Variants in POU6F2 observed in about 807,000 individuals in gnomAD.
POU6F2 encodes POU domain, class 6, transcription factor 2.
A neutral mutation model predicts 71.3 loss-of-function variants in POU6F2; 31 were observed. That is an observed-to-expected ratio of 0.43 (90% CI 0.33 to 0.59). The LOEUF (loss-of-function observed/expected upper bound fraction) is 0.59. Ranked by LOEUF, POU6F2 falls within the 20% of genes least tolerant of loss-of-function variation. The pLI, the probability that POU6F2 is intolerant of heterozygous loss-of-function variation, is 0.04. For missense variants in POU6F2, 783 were observed against 856.8 expected, an observed-to-expected ratio of 0.91 and a Z score of 1.07; for synonymous variants, 347 against 355.7, an observed-to-expected ratio of 0.98 and a Z score of 0.27.
chr7:39,124,468 A>G (rs1792106444), intron 2 of POU6F2, among the ~76,000 whole-genome samples: 1 of 152,224 alleles, frequency 6.6e-6, no homozygotes, highest in Non-Finnish European at 1.5e-5. Context: ...AATAAGAATA[A>G]CTTCCCAGAC....
rs116944592 is a variant in POU6F2, at chr7:39,100,996, G to A, written c.277+14965G>A. On this transcript the variant is annotated intron_variant, in intron 2 of 9. Transcript: ENST00000518318. ...TGAGCCTGTCACCCAGCTCTGACCC[G>A]CCTTTCCACACCATTCATTTCCAAC... 4.2e-3 allele frequency among the ~76,000 whole-genome samples: 632 copies of A among 151,706 alleles called. 2 individuals are homozygous for A. The highest frequency in any genetic ancestry group is 6.3e-3 in the Non-Finnish European group (427 of 67,954).
At chr7:39,066,341 A>AG (rs1790752862) in intron 1 of POU6F2, among the ~76,000 whole-genome samples, 1 of 151,808 alleles carries the variant, frequency 6.6e-6, no homozygotes, top group Non-Finnish European at 1.5e-5. Flanking sequence ...AGAATGCCTT[A>AG]TATCACTATT....
chr7:39,277,425 C>A (rs1350358691), intron 4 of POU6F2, among the ~76,000 whole-genome samples: 1 of 152,000 alleles, frequency 6.6e-6, no homozygotes, highest in Non-Finnish European at 1.5e-5. Flanking sequence ...CTTTTGGAGT[C>A]CCCAGCATCT....
Position 39,466,981 on chromosome 7 carries a change from TA to T in POU6F2, c.*2297del, listed in dbSNP as rs1205733186. 3.9e-5 allele frequency: 6 copies of T among 152,146 alleles called. No individual in the cohort carries two copies. The highest frequency in any genetic ancestry group is 7.3e-5 in the Non-Finnish European group (5 of 68,030). The allele number at this position is 152,146 out of a possible 1,614,324, so 9.4% of individuals were successfully genotyped here. On this transcript the variant is annotated 3_prime_UTR_variant, in exon 10 of 10. Transcript: ENST00000518318. The stretch of plus-strand genomic sequence containing the variant: ...TCCCTGCGAAGAGAAGTTAACAAGA[TA>T]ACATATGATGGATGCTAAATATTTA...
chr7:39,044,767 A>C (rs555280369), intron 1 of POU6F2, among the ~76,000 whole-genome samples: 1 of 152,110 alleles, frequency 6.6e-6, no homozygotes, highest in South Asian at 2.1e-4. Context: ...CAGAAAAAAC[A>C]TGTTCAAGTT....
intron 5 of POU6F2, among the ~76,000 whole-genome samples, chr7:39,380,579 A>G (rs887713653): frequency 6.6e-6 from 1 of 152,228 alleles, no homozygotes; most frequent in African/African-American, 2.4e-5. Flanking sequence ...AATAAGGACA[A>G]CATCAGTGTG....
At chr7:39,273,706 G>A (rs1279536899) in intron 4 of POU6F2, among the ~76,000 whole-genome samples, 6 of 151,588 alleles carry the variant, frequency 4.0e-5, no homozygotes, top group South Asian at 2.1e-4. Flanking sequence ...GAGTATCATC[G>A]GGGAACAGTG....
intron 4 of POU6F2, among the ~76,000 whole-genome samples, chr7:39,324,542 G>C (rs12701733): frequency 0.12 from 18,090 of 152,250 alleles, 1,306 homozygotes; most frequent in Admixed American, 0.18. Context: ...GAAGTAAACT[G>C]TACTGGGATG....
intron 5 of POU6F2, among the ~76,000 whole-genome samples, chr7:39,398,050 AC>A (rs1327964440): frequency 2.0e-5 from 3 of 151,920 alleles, no homozygotes; most frequent in South Asian, 2.1e-4. Context: ...TAAAAAAAAA[AC>A]ATTCAGACAA....
chr7:39,283,090 T>C (rs938071946), intron 4 of POU6F2, among the ~76,000 whole-genome samples: 1 of 152,200 alleles, frequency 6.6e-6, no homozygotes, highest in African/African-American at 2.4e-5. Flanking sequence ...TAGTTCACCA[T>C]TGGCATTTAG....
chr7:39,111,576 C>A (rs1791814910), intron 2 of POU6F2, among the ~76,000 whole-genome samples: 1 of 152,022 alleles, frequency 6.6e-6, no homozygotes, highest in Admixed American at 6.5e-5. Flanking sequence ...ATAGCTGCAT[C>A]ATAATTGTAG....
chr7:39,115,116 C>CA (rs1316193045), intron 2 of POU6F2, among the ~76,000 whole-genome samples: 1 of 152,160 alleles, frequency 6.6e-6, no homozygotes, highest in Admixed American at 6.5e-5. Context: ...CTTTGCCTTT[C>CA]ATTCAGCAGA....
intron 2 of POU6F2, among the ~76,000 whole-genome samples, chr7:39,108,278 A>T (rs1424133294): frequency 6.7e-6 from 1 of 148,374 alleles, no homozygotes; most frequent in East Asian, 2.0e-4. Context: ...CCCTTCAATT[A>T]TTTTTTTTTT....
chr7:39,075,157 C>G (rs1790973189), intron 1 of POU6F2, among the ~76,000 whole-genome samples: 1 of 152,160 alleles, frequency 6.6e-6, no homozygotes, highest in Admixed American at 6.5e-5. Context: ...CAGGAAGCAC[C>G]TGGACACTTA....
intron 3 of POU6F2, among the ~76,000 whole-genome samples, chr7:39,207,138 C>T (rs550282247): frequency 1.7e-4 from 26 of 152,228 alleles, no homozygotes; most frequent in Non-Finnish European, 2.8e-4. Context: ...AGCATATAAA[C>T]GTAAGTTATT....
chr7:39,003,537 A>G (rs1280816126), intron 1 of POU6F2, among the ~76,000 whole-genome samples: 8 of 150,878 alleles, frequency 5.3e-5, no homozygotes, highest in Non-Finnish European at 2.9e-5. Context: ...CAGGAGATCG[A>G]GACCATCGGG....
At chr7:39,030,535 T>G (rs1789915920) in intron 1 of POU6F2, among the ~76,000 whole-genome samples, 1 of 126,064 alleles carries the variant, frequency 7.9e-6, no homozygotes, top group African/African-American at 3.0e-5. Flanking sequence ...TATATATATA[T>G]ATATATATAC....
In POU6F2 at chr7:39,056,662, C is replaced by CTCTGTGTGTG. The variant is rs1554313685; in HGVS notation, c.106-29197_106-29196insCTGTGTGTGT. ...TCTTTCTCTTTTTCTCTCTCTCTCTCTGTGTGTGTGTGTGTATGTGTGTGT... is the reference window on the plus strand; with the variant it reads ...TCTTTCTCTTTTTCTCTCTCTCTCTCTCTGTGTGTGTGTGTGTGTGTGTGTATGTGTGTGT... On this transcript the variant is annotated intron_variant, in intron 1 of 9. Transcript: ENST00000518318. Among the ~76,000 whole-genome samples the CTCTGTGTGTG allele has an allele frequency of 1.5e-3, 175 of 113,420 alleles. 1 individual carries two copies. Among genetic ancestry groups the CTCTGTGTGTG allele is most frequent in the African/African-American group, 6.0e-3 (160 of 26,770 alleles). 74.4% of individuals were successfully genotyped at this position (113,420 alleles called of 152,430 possible).
intron 4 of POU6F2, among the ~76,000 whole-genome samples, chr7:39,262,143 G>C (rs990879847): frequency 6.6e-6 from 1 of 152,188 alleles, no homozygotes; most frequent in Non-Finnish European, 1.5e-5. Context: ...CCAAATGTAA[G>C]CTTCATATAT....
Sources: allele counts gnomAD v4.1 joint callset (sites outside exome capture counted in the v4.1 genomes callset), GRCh38; gene constraint gnomAD v4.1.1; transcripts MANE v1.5; gene names NCBI Gene and HGNC (gene_info 2026-07-23, HGNC 2026-07-21).